SFMBT2: variants seen among roughly 807,000 people sequenced by gnomAD.
SFMBT2 encodes the protein scm-like with four MBT domains protein 2.
Under a neutral mutation model 110.1 loss-of-function variants are expected in SFMBT2, and 38 were observed. The observed-to-expected ratio is 0.35, with a 90% CI of 0.27 to 0.45. The LOEUF is 0.45. Ranked by LOEUF, SFMBT2 falls within the 20% of genes least tolerant of loss-of-function variation. SFMBT2 has a pLI of 1.00. For missense variants in SFMBT2, 1,011 were observed against 1,094.9 expected (o/e 0.92, Z 1.08); for synonymous variants, 425 against 425.4 (o/e 1.00, Z 0.01).
intron 9 of SFMBT2, among the ~76,000 whole-genome samples, chr10:7,238,013 G>A (rs930882826): frequency 6.6e-6 from 1 of 152,178 alleles, no homozygotes; most frequent in African/African-American, 2.4e-5. Context: ...GGGAGATGAC[G>A]CTGGACAGGG....
At chr10:7,349,736 G>A (rs1298673202) in intron 4 of SFMBT2, among the ~76,000 whole-genome samples, 1 of 151,870 alleles carries the variant, frequency 6.6e-6, no homozygotes. Context: ...TGGGATTACA[G>A]GTGTGAGCCA....
intron 4 of SFMBT2, among the ~76,000 whole-genome samples, chr10:7,302,252 A>AG (rs1212697061): frequency 1.3e-5 from 2 of 152,178 alleles, no homozygotes; most frequent in Non-Finnish European, 2.9e-5. Flanking sequence ...TAATAAGACA[A>AG]GGCACCCTCC....
chr10:7,200,237 T>A (rs547635217), intron 14 of SFMBT2, among the ~76,000 whole-genome samples, 177 bp downstream of exon 14: 1 of 152,280 alleles, frequency 6.6e-6, no homozygotes, highest in East Asian at 1.9e-4. Context: ...GCACAGAGAA[T>A]TTAGCTTAGA....
intron 4 of SFMBT2, among the ~76,000 whole-genome samples, chr10:7,315,038 GAGAA>G (rs545155500): frequency 0.13 from 10,277 of 82,066 alleles, 569 homozygotes; most frequent in Middle Eastern, 0.21. Flanking sequence ...AAGAAAGAAA[GAGAA>G]AGAAAGAAAG....
In SFMBT2 at chr10:7,402,507, T is replaced by C. The variant is rs547551561; in HGVS notation, c.-52+8354A>G. Among the ~76,000 whole-genome samples the C allele has an allele frequency of 4.6e-5, 7 of 152,352 alleles. No homozygotes were observed. In the South Asian group the frequency reaches 1.2e-3, roughly 27 times the overall value. Reference sequence around the variant, plus strand: ...TTACTCCAACCATCAAACTATGGTTTATTTATAATACCCCAAATTTAGTGC... The same window carrying C: ...TTACTCCAACCATCAAACTATGGTTCATTTATAATACCCCAAATTTAGTGC... On this transcript the variant is annotated intron_variant, in intron 1 of 20. Transcript: ENST00000397167.
intron 13 of SFMBT2, chr10:7,200,898 G>T: frequency 3.1e-6 from 2 of 642,252 alleles, no homozygotes; most frequent in Non-Finnish European, 3.9e-6. Context: ...ACTAACCTTT[G>T]ATTTCTGACC....
chr10:7,300,042 C>T (rs1842514199), intron 4 of SFMBT2, among the ~76,000 whole-genome samples: 1 of 152,156 alleles, frequency 6.6e-6, no homozygotes, highest in African/African-American at 2.4e-5. Flanking sequence ...TGGAAGTCAT[C>T]ATCCTCAGAA....
rs1053697560 is a variant in SFMBT2, at chr10:7,172,289, G to A, written c.2152-131C>T. 58 of 1,451,482 alleles carry A rather than the reference G, an allele frequency of 4.0e-5. No homozygotes were observed. The highest frequency in any genetic ancestry group is 4.0e-4 in the African/African-American group (28 of 70,342). 89.9% of individuals were successfully genotyped at this position (1,451,482 alleles called of 1,614,324 possible). On this transcript the variant is annotated intron_variant, in intron 18 of 20. Transcript: ENST00000397167. The surrounding 1 kb of genome is among the most constrained non-coding windows in gnomAD (Gnocchi z 4.6). ...GGAAATGGAGCCAGTGGTCCCACCC[G>A]TGGGCCCTACGAGGCCCTTCCCAGC...
At chr10:7,378,054 GATGT>G (rs1489131165) in intron 2 of SFMBT2, among the ~76,000 whole-genome samples, 1 of 150,934 alleles carries the variant, frequency 6.6e-6, no homozygotes, top group African/African-American at 2.4e-5. Flanking sequence ...TGGATGGATG[GATGT>G]GAGTGTGTGT....
intron 20 of SFMBT2, among the ~76,000 whole-genome samples, chr10:7,168,356 A>G (rs377334141): frequency 5.7e-4 from 87 of 152,352 alleles, no homozygotes; most frequent in African/African-American, 2.0e-3. Flanking sequence ...GAAATGAGAA[A>G]TCTGCTCTTC....
At position 7,248,665 on chromosome 10, in the gene SFMBT2, T is replaced by C. The variant is rs760868827; in HGVS notation, c.871-16A>G. 19 of 1,610,604 alleles carry C rather than the reference T, an allele frequency of 1.2e-5. No individual in the cohort carries two copies. Among genetic ancestry groups the C allele is most frequent in the East Asian group, 2.2e-5 (1 of 44,846 alleles). On this transcript the variant is annotated splice_polypyrimidine_tract_variant and intron_variant, in intron 7 of 20. Transcript: ENST00000397167. Reference sequence around the variant, plus strand: ...CTGCGTGATCCTGCAGGGAGAAAGATGAAAATATTGAAAGCCACGGTATTG... The same window carrying C: ...CTGCGTGATCCTGCAGGGAGAAAGACGAAAATATTGAAAGCCACGGTATTG...
intron 4 of SFMBT2, among the ~76,000 whole-genome samples, chr10:7,334,914 G>A (rs912098901): frequency 1.3e-5 from 2 of 152,190 alleles, no homozygotes; most frequent in African/African-American, 4.8e-5. Flanking sequence ...CCAGGGAAAT[G>A]ATCACAGAAA....
At chr10:7,228,744 CTCTCTCTCTCTCT>C (rs1840013943) in intron 9 of SFMBT2, among the ~76,000 whole-genome samples, 1 of 72,808 alleles carries the variant, frequency 1.4e-5, no homozygotes, top group Non-Finnish European at 2.9e-5. Flanking sequence ...TCCTTTCTCT[CTCTCTCTCTCTCT>C]CTCTCTCTCT....
At chr10:7,228,738 TTCTCTCTCTCTCTCTCTC>T (rs56871421) in intron 9 of SFMBT2, among the ~76,000 whole-genome samples, 10,134 of 61,538 alleles carry the variant, frequency 0.16, 932 homozygotes, top group South Asian at 0.26. Context: ...TTTCTTTCCT[TTCTCTCTCTCTCTCTCTC>T]TCTCTCTCTC....
At chr10:7,220,099 A>T (rs977605992) in intron 11 of SFMBT2, among the ~76,000 whole-genome samples, 3 of 152,212 alleles carry the variant, frequency 2.0e-5, no homozygotes, top group Non-Finnish European at 2.9e-5. Flanking sequence ...CTGGAATCTC[A>T]GTTTTAGTGA....
chr10:7,300,942 C>A (rs537335853), intron 4 of SFMBT2, among the ~76,000 whole-genome samples: 16 of 152,314 alleles, frequency 1.1e-4, no homozygotes, highest in South Asian at 2.1e-4. Context: ...CACAGGCTGA[C>A]TGTTTTCCTT....
rs1564461341 is a variant in SFMBT2, at chr10:7,367,749, CCCGTAA to C, written c.330_335del (p.Tyr111_Gly112del). On this transcript the variant is annotated inframe_deletion, in exon 4 of 21. Coordinates refer to ENST00000397167, the MANE Select transcript of SFMBT2 (RefSeq NM_001387889.1). This position sits in a 1 kb window ranked among gnomAD's most constrained non-coding sequence, Gnocchi z 6.2. ...ACCAGAAGTCGGCCCTGCGGTCCTC[CCCGTAA>C]CCGCAGTAGCGCAGAAGCAGCAGCT... 2 of 1,614,116 alleles carry C rather than the reference CCCGTAA, an allele frequency of 1.2e-6. No individual in the cohort carries two copies. Among genetic ancestry groups the C allele is most frequent in the Non-Finnish European group, 1.7e-6 (2 of 1,180,028 alleles).
At chr10:7,215,050 C>G (rs907238304) in intron 11 of SFMBT2, among the ~76,000 whole-genome samples, 1 of 152,218 alleles carries the variant, frequency 6.6e-6, no homozygotes, top group African/African-American at 2.4e-5. Flanking sequence ...GAAGAGAGAG[C>G]TGATCACATT....
intron 16 of SFMBT2, chr10:7,176,563 A>G (rs544013873): frequency 4.3e-6 from 4 of 930,846 alleles, no homozygotes; most frequent in African/African-American, 1.8e-5. Context: ...GTGAGTGCAT[A>G]TGGGATCAGG....
Sources: gnomAD v4.1 joint callset for allele counts (sites outside exome capture counted in the v4.1 genomes callset) on GRCh38, gnomAD v4.1.1 for gene constraint, Gnocchi (gnomAD v3.1) non-coding constraint, MANE v1.5 for transcripts, NCBI Gene and HGNC (gene_info 2026-07-23, HGNC 2026-07-21) for gene names.